The following ATOSA variants were observed in gnomAD, a reference collection of about 807,000 sequenced individuals.
The protein encoded by ATOSA is atos homolog A.
the ATOSA span, chr15:52,593,653 G>A: frequency 2.6e-6 from 4 of 1,562,216 alleles, no homozygotes; most frequent in Admixed American, 1.9e-5. Flanking sequence ...AATGTGTGGG[G>A]CAGAAAGCAC....
chr15:52,669,486 G>A, the ATOSA span, among the ~76,000 whole-genome samples: 1 of 152,142 alleles, frequency 6.6e-6, no homozygotes, highest in Non-Finnish European at 1.5e-5. Context: ...CACAAACCAT[G>A]ATCTCTCTTC....
the ATOSA span, among the ~76,000 whole-genome samples, chr15:52,590,095 T>C: frequency 7.9e-5 from 12 of 152,138 alleles, no homozygotes; most frequent in African/African-American, 2.9e-4. Flanking sequence ...GCCCTTCTTC[T>C]GGGATTTTAA....
the ATOSA span, among the ~76,000 whole-genome samples, chr15:52,671,578 T>C: frequency 6.6e-6 from 1 of 151,936 alleles, no homozygotes; most frequent in Non-Finnish European, 1.5e-5. Context: ...AGACAGACAA[T>C]AAACAAAAGA....
At chr15:52,695,232 CTTT>C in the ATOSA span, among the ~76,000 whole-genome samples, 1 of 152,140 alleles carries the variant, frequency 6.6e-6, no homozygotes, top group Non-Finnish European at 1.5e-5. Context: ...GCCCTGACTA[CTTT>C]TTAAACATTA....
the ATOSA span, among the ~76,000 whole-genome samples, chr15:52,600,753 A>T: frequency 6.6e-6 from 1 of 151,740 alleles, no homozygotes; most frequent in Admixed American, 6.6e-5. Flanking sequence ...GATTATAATC[A>T]GAGTATTATT....
At chr15:52,613,209 T>C in the ATOSA span, among the ~76,000 whole-genome samples, 2 of 152,010 alleles carry the variant, frequency 1.3e-5, no homozygotes, top group Non-Finnish European at 2.9e-5. Context: ...CTACTAAAAA[T>C]ACAAAAATTA....
the ATOSA span, among the ~76,000 whole-genome samples, chr15:52,620,131 T>C: frequency 1.3e-5 from 2 of 151,914 alleles, no homozygotes; most frequent in African/African-American, 4.8e-5. Flanking sequence ...TCGAGAAAAG[T>C]GAACAACTTA....
chr15:52,676,784 CACA>C, the ATOSA span, among the ~76,000 whole-genome samples: 4 of 152,196 alleles, frequency 2.6e-5, no homozygotes, highest in Non-Finnish European at 5.9e-5. Context: ...AGCAACTTTT[CACA>C]ACAATTCAAA....
At chr15:52,699,700 C>T in the ATOSA span, among the ~76,000 whole-genome samples, 1 of 151,982 alleles carries the variant, frequency 6.6e-6, no homozygotes, top group South Asian at 2.1e-4. Context: ...CAGTATTGCC[C>T]CCTCCAGCCT....
At chr15:52,608,742 C>A in the ATOSA span, 13 of 1,610,758 alleles carry the variant, frequency 8.1e-6, no homozygotes, top group Admixed American at 1.7e-5. Context: ...TGAGATAATT[C>A]TCTATGCTAT....
the ATOSA span, among the ~76,000 whole-genome samples, chr15:52,637,396 G>A: frequency 4.6e-4 from 70 of 152,192 alleles, 1 homozygote; most frequent in African/African-American, 1.4e-3. Flanking sequence ...ACATCATTTC[G>A]TACTCCTAGC....
At chr15:52,665,303 G>A in the ATOSA span, among the ~76,000 whole-genome samples, 10 of 152,200 alleles carry the variant, frequency 6.6e-5, no homozygotes, top group Non-Finnish European at 1.0e-4. Flanking sequence ...GAAGATTTTA[G>A]TTAGAATTTA....
At chr15:52,659,274 G>C in the ATOSA span, among the ~76,000 whole-genome samples, 1 of 152,194 alleles carries the variant, frequency 6.6e-6, no homozygotes, top group Non-Finnish European at 1.5e-5. Context: ...CATTGAAAGT[G>C]CTTGGTTATA....
the ATOSA span, chr15:52,613,725 T>A: frequency 6.2e-6 from 10 of 1,613,820 alleles, no homozygotes; most frequent in African/African-American, 1.3e-5. Context: ...GTAACAAGAC[T>A]GTGCTGGAGG....
At chr15:52,684,829 G>A in the ATOSA span, among the ~76,000 whole-genome samples, 4 of 152,058 alleles carry the variant, frequency 2.6e-5, no homozygotes, top group Admixed American at 1.3e-4. Flanking sequence ...CTCCTGCCTT[G>A]GCCCCCCAAA....
chr15:52,686,679 C>G, the ATOSA span, among the ~76,000 whole-genome samples: 2 of 152,318 alleles, frequency 1.3e-5, no homozygotes, highest in South Asian at 4.1e-4. Flanking sequence ...GGAGCTATTC[C>G]TTTATTTGCT....
the ATOSA span, among the ~76,000 whole-genome samples, chr15:52,602,164 C>T: frequency 6.6e-6 from 1 of 152,134 alleles, no homozygotes; most frequent in African/African-American, 2.4e-5. Context: ...TGTCTACTCA[C>T]TCACAAAATC....
the ATOSA span, chr15:52,611,529 A>G: frequency 3.2e-6 from 5 of 1,576,290 alleles, no homozygotes; most frequent in Admixed American, 8.8e-5. Flanking sequence ...AGTAATGGAA[A>G]ACTTGATTTA....
At chr15:52,708,136 T>C in the ATOSA span, among the ~76,000 whole-genome samples, 4 of 151,996 alleles carry the variant, frequency 2.6e-5, no homozygotes, top group African/African-American at 9.7e-5. Context: ...ATGAACAAAA[T>C]GAAGGGAAGG....
Sources: gnomAD v4.1 joint callset for allele counts (sites outside exome capture counted in the v4.1 genomes callset) on GRCh38, gnomAD v4.1.1 for gene constraint, MANE v1.5 for transcripts, NCBI Gene and HGNC (gene_info 2026-07-23, HGNC 2026-07-21) for gene names.